The following FAM114A1 variants were observed in gnomAD, a reference collection of about 807,000 sequenced individuals.
FAM114A1 encodes the protein family with sequence similarity 114 member A1, also known as protein NOXP20.
FAM114A1 carries 62 observed loss-of-function variants against 64.3 expected under a neutral mutation model. That is an observed-to-expected ratio of 0.96 (90% CI 0.79 to 1.19). The LOEUF (loss-of-function observed/expected upper bound fraction) is 1.19, where lower values mean the gene tolerates loss of function less well. FAM114A1 is among the 50% of genes most tolerant of loss of function. FAM114A1 has a pLI of 0.00. For synonymous variants in FAM114A1, 254 were observed against 251.1 expected (o/e 1.01, Z -0.11); for missense variants, 645 against 676.3 (o/e 0.95, Z 0.51).
intron 8 of FAM114A1, among the ~76,000 whole-genome samples, chr4:38,915,747 G>C (rs898094618): frequency 9.0e-5 from 3 of 33,474 alleles, no homozygotes; most frequent in Admixed American, 2.9e-4. Context: ...CTATAGTGGT[G>C]TGTGTGTGTG....
intron 8 of FAM114A1, among the ~76,000 whole-genome samples, chr4:38,920,505 A>G (rs139339905): frequency 6.6e-6 from 1 of 152,288 alleles, no homozygotes; most frequent in African/African-American, 2.4e-5. Flanking sequence ...AAAGCAGGAG[A>G]GATGCTATAG....
intron 7 of FAM114A1, among the ~76,000 whole-genome samples, chr4:38,912,222 A>G (rs563110738): frequency 2.8e-4 from 42 of 152,100 alleles, no homozygotes; most frequent in African/African-American, 8.2e-4. Context: ...CCACACATGG[A>G]AGTCTCCATA....
At position 38,932,299 on chromosome 4, in the gene FAM114A1, A is replaced by G; in HGVS notation, c.1388A>G (p.His463Arg). The G allele has an allele frequency of 1.2e-6, 2 of 1,614,026 alleles. No individual in the cohort carries two copies. Among genetic ancestry groups the G allele is most frequent in the Non-Finnish European group, 1.7e-6 (2 of 1,180,002 alleles). ...ACAGCGCGCTGTATTGAGCAGCTTC[A>G]TAAAGTAGCAGAATTAATTCTTCAT... ...EVTARCIEQL[H>R]KVAELILHGQ... The change falls in exon 12 of 15, where the codon CAT (histidine) becomes CGT (arginine). Residue 463 changes from histidine (H) to arginine (R), a missense_variant. Coordinates refer to ENST00000358869, the MANE Select transcript of FAM114A1 (RefSeq NM_138389.4).
intron 4 of FAM114A1, among the ~76,000 whole-genome samples, chr4:38,903,946 A>G (rs1717750812): frequency 6.6e-6 from 1 of 152,230 alleles, no homozygotes; most frequent in African/African-American, 2.4e-5. Context: ...TAAGATCACT[A>G]GGATAAATAA....
chr4:38,892,761 G>A (rs1716527033), intron 4 of FAM114A1, among the ~76,000 whole-genome samples: 1 of 152,210 alleles, frequency 6.6e-6, no homozygotes, highest in South Asian at 2.1e-4. Context: ...CTTGCGATAG[G>A]CCATGAATTG....
intron 9 of FAM114A1, among the ~76,000 whole-genome samples, chr4:38,924,676 C>T (rs1719941982): frequency 6.6e-6 from 1 of 152,186 alleles, no homozygotes; most frequent in African/African-American, 2.4e-5. Context: ...TGTTTTTGAG[C>T]ATTAGTATGT....
At chr4:38,875,003 G>C (rs1714469033) in intron 2 of FAM114A1, among the ~76,000 whole-genome samples, 1 of 152,114 alleles carries the variant, frequency 6.6e-6, no homozygotes, top group African/African-American at 2.4e-5. Context: ...CTTTATTTCA[G>C]AGTTCTCTAT....
Position 38,943,791 on chromosome 4 carries a change from A to G in FAM114A1, c.*234A>G. ...TTTCTTTATGTTAATTTAAACTTAC[A>G]CAGCTTATATTGAAAATTTCCTTTC... On this transcript the variant is annotated 3_prime_UTR_variant, in exon 15 of 15. Transcript: ENST00000358869. 3 of 368,482 alleles carry G rather than the reference A, an allele frequency of 8.1e-6. No homozygotes were observed. The South Asian group carries it at 1.5e-4, about 18-fold the overall frequency. The allele number at this position is 368,482 out of a possible 1,614,324, so 22.8% of individuals were successfully genotyped here. A position where few individuals can be genotyped will look rare whatever the true frequency, so the allele number is the denominator to read the frequency against.
chr4:38,910,137 G>A (rs1182171610), intron 7 of FAM114A1, among the ~76,000 whole-genome samples: 1 of 152,056 alleles, frequency 6.6e-6, no homozygotes, highest in Non-Finnish European at 1.5e-5. Flanking sequence ...TACTCGGGAG[G>A]CTGAGGCAGG....
At chr4:38,937,135 A>G (rs1275277154) in intron 13 of FAM114A1, among the ~76,000 whole-genome samples, 1 of 152,242 alleles carries the variant, frequency 6.6e-6, no homozygotes, top group Non-Finnish European at 1.5e-5. Flanking sequence ...GAGAAACAGC[A>G]GGTTTACTTC....
intron 4 of FAM114A1, among the ~76,000 whole-genome samples, chr4:38,901,254 T>G: frequency 6.6e-6 from 1 of 152,120 alleles, no homozygotes. Flanking sequence ...GAGTTACCAC[T>G]TGGTCAGAGA....
At chr4:38,899,040 T>G (rs200883152) in intron 4 of FAM114A1, among the ~76,000 whole-genome samples, 5 of 79,450 alleles carry the variant, frequency 6.3e-5, no homozygotes, top group African/African-American at 1.5e-4. Flanking sequence ...TATATATATA[T>G]AGACAGATAT....
intron 2 of FAM114A1, among the ~76,000 whole-genome samples, chr4:38,873,076 A>G (rs1236329251): frequency 1.3e-5 from 2 of 152,132 alleles, no homozygotes; most frequent in African/African-American, 4.8e-5. Context: ...CCCCTTCTCT[A>G]TACAGTGGGT....
rs1720733137 is a variant in FAM114A1, at chr4:38,932,458, T to A, written c.1463+84T>A. On this transcript the variant is annotated intron_variant, in intron 12 of 14. Coordinates refer to ENST00000358869, the MANE Select transcript of FAM114A1 (RefSeq NM_138389.4). ...GATACACACATACACACCCACACCC[T>A]CTAAGCCACTAGAAGATTCAGGTTT... 6 of 1,296,100 alleles carry A rather than the reference T, an allele frequency of 4.6e-6. No individual in the cohort carries two copies. In the East Asian group the frequency reaches 1.6e-4, roughly 34 times the overall value. The allele number at this position is 1,296,100 out of a possible 1,614,324, so 80.3% of individuals were successfully genotyped here.
At chr4:38,935,025 C>T (rs1368306389) in intron 12 of FAM114A1, among the ~76,000 whole-genome samples, 1 of 152,072 alleles carries the variant, frequency 6.6e-6, no homozygotes, top group Admixed American at 6.6e-5. Flanking sequence ...AGTGATTCTC[C>T]TGCCTCAGCC....
At chr4:38,904,637 T>C (rs1272488689) in intron 4 of FAM114A1, among the ~76,000 whole-genome samples, 1 of 152,220 alleles carries the variant, frequency 6.6e-6, no homozygotes, top group Non-Finnish European at 1.5e-5. Context: ...TTTTGATTTT[T>C]GGATGTCAGC....
chr4:38,877,519 T>G (rs1429096658), intron 2 of FAM114A1, among the ~76,000 whole-genome samples: 2 of 152,082 alleles, frequency 1.3e-5, no homozygotes, highest in Admixed American at 1.3e-4. Flanking sequence ...ATGCGAGCGA[T>G]GGGGAGCAGC....
intron 2 of FAM114A1, 104 bp downstream of exon 2, chr4:38,868,650 A>G (rs1341364980): frequency 2.0e-5 from 3 of 152,342 alleles, no homozygotes; most frequent in African/African-American, 7.2e-5. Context: ...CCTATGCCCT[A>G]CTGATCCCAT....
Position 38,896,419 on chromosome 4 carries a change from T to A in FAM114A1, c.436+4589T>A, listed in dbSNP as rs911680649. Among the ~76,000 whole-genome samples, 78 of 152,244 alleles carry A rather than the reference T, an allele frequency of 5.1e-4. 1 individual carries two copies. Among genetic ancestry groups the A allele is most frequent in the Non-Finnish European group, 1.5e-4 (10 of 68,038 alleles). Reference sequence around the variant, plus strand: ...AATGTATATTTCAAAATTGGACAAGTGTCTTTGTAGACCTGTACAGAACTA... The same window carrying A: ...AATGTATATTTCAAAATTGGACAAGAGTCTTTGTAGACCTGTACAGAACTA... On this transcript the variant is annotated intron_variant, in intron 4 of 14. Transcript: ENST00000358869.
Sources: allele counts gnomAD v4.1 joint callset (sites outside exome capture counted in the v4.1 genomes callset), GRCh38; gene constraint gnomAD v4.1.1; transcripts MANE v1.5; gene names NCBI Gene and HGNC (gene_info 2026-07-23, HGNC 2026-07-21).